Variants in ADGRA2 observed in about 807,000 individuals in gnomAD.
ADGRA2 encodes G-protein coupled receptor 124.
Under a neutral mutation model 98.7 loss-of-function variants are expected in ADGRA2, and 61 were observed. That is an observed-to-expected ratio of 0.62 (90% confidence interval 0.50 to 0.76). The LOEUF (loss-of-function observed/expected upper bound fraction) is 0.76. ADGRA2 is among the 30% of genes least tolerant of loss of function. ADGRA2 has a pLI of 0.00. For synonymous variants in ADGRA2, 858 were observed against 831.5 expected, an observed-to-expected ratio of 1.03 and a Z score of -0.55; for missense variants, 1,712 against 1,860.0, an observed-to-expected ratio of 0.92 and a Z score of 1.46.
At position 37,834,792 on chromosome 8, in the gene ADGRA2, C is replaced by T. The variant is rs550179148; in HGVS notation, c.1609-382C>T. ...CTGTGGTCCCAGCTACTCGGGAGGC[C>T]AAGGTGGGAGGATCACTTGAGGCCT... On this transcript the variant is annotated intron_variant, in intron 11 of 18. Coordinates refer to ENST00000412232, the MANE Select transcript of ADGRA2 (RefSeq NM_032777.10). The surrounding 1 kb of genome is among the most constrained non-coding windows in gnomAD (Gnocchi z 4.2). Among the ~76,000 whole-genome samples, 2 of 152,000 alleles carry T rather than the reference C, an allele frequency of 1.3e-5. No homozygotes were observed. Among genetic ancestry groups the T allele is most frequent in the African/African-American group, 4.8e-5 (2 of 41,372 alleles).
chr8:37,819,160 C>A (rs1307630089), intron 2 of ADGRA2, among the ~76,000 whole-genome samples: 1 of 152,096 alleles, frequency 6.6e-6, no homozygotes, highest in Non-Finnish European at 1.5e-5. Flanking sequence ...ATTCTATGAT[C>A]CTTGGATGTG....
At chr8:37,821,291 G>T (rs62490688) in intron 2 of ADGRA2, among the ~76,000 whole-genome samples, 30,722 of 152,178 alleles carry the variant, frequency 0.2, 3,620 homozygotes, top group Middle Eastern at 0.36. Flanking sequence ...AACAGAGGAA[G>T]AGTTCCTTAC....
At position 37,841,176 on chromosome 8, in the gene ADGRA2, C is replaced by T. The variant is rs1563354735; in HGVS notation, c.2838C>T (p.Ala946=). The change falls in exon 19 of 19, where the codon GCC becomes GCT. Residue 946 remains alanine, a synonymous_variant. Coordinates refer to ENST00000412232, the MANE Select transcript of ADGRA2 (RefSeq NM_032777.10). The surrounding 1 kb of genome is among the most constrained non-coding windows in gnomAD (Gnocchi z 5.0). Reference sequence around the variant, plus strand: ...TCACCTGGATCTATTTCCTGTGCGCCGGGCTACGCTTACGGGGTCCTCTGG... The same window carrying T: ...TCACCTGGATCTATTTCCTGTGCGCTGGGCTACGCTTACGGGGTCCTCTGG... The part of the protein sequence containing the change: ...LLITWIYFLC[A]GLRLRGPLAQ... The T allele has an allele frequency of 1.9e-6, 3 of 1,613,134 alleles. No individual in the cohort carries two copies. Among genetic ancestry groups the T allele is most frequent in the Non-Finnish European group, 2.5e-6 (3 of 1,180,012 alleles).
chr8:37,804,012 C>T (rs1442980630), intron 1 of ADGRA2, among the ~76,000 whole-genome samples: 1 of 151,882 alleles, frequency 6.6e-6, no homozygotes, highest in Admixed American at 6.6e-5. Flanking sequence ...CTTCAGGAGA[C>T]TCAGCATCCA....
At chr8:37,816,513 A>C (rs1292844896) in intron 2 of ADGRA2, among the ~76,000 whole-genome samples, 1 of 148,346 alleles carries the variant, frequency 6.7e-6, no homozygotes, top group Non-Finnish European at 1.5e-5. Flanking sequence ...AATCTCTTGA[A>C]CCTGGGAAGC....
In ADGRA2 at chr8:37,833,798, G is replaced by A. The variant is rs750175526; in HGVS notation, c.1407G>A (p.Met469Ile). 5.0e-6 allele frequency: 8 copies of A among 1,614,088 alleles called. No homozygotes were observed. The highest frequency in any genetic ancestry group is 6.8e-6 in the Non-Finnish European group (8 of 1,180,050). The change falls in exon 10 of 19, where the codon ATG becomes ATA. Residue 469 changes from methionine to isoleucine, a missense_variant. Met to Ile is a conservative substitution (Grantham distance 10). Transcript: ENST00000412232. ...DMMDVVYVAQ[M>I]IQKFLGYVDQ... ...TGGATGTAGTCTATGTGGCTCAGATGATCCAGAAATTTTTGGGTTATGTCG... is the reference window on the plus strand; with the variant it reads ...TGGATGTAGTCTATGTGGCTCAGATAATCCAGAAATTTTTGGGTTATGTCG...
rs775067436 is a variant in ADGRA2 at position 37,830,747 on chromosome 8, G to T, written c.756G>T (p.Pro252=). 6.2e-7 allele frequency: 1 copy of T among 1,605,932 alleles called. No individual in the cohort carries two copies. Among genetic ancestry groups the T allele is most frequent in the Admixed American group, 1.7e-5 (1 of 59,242 alleles). ...ALELHTHHLI[P]SLRQVVFQGD... is the part of the protein sequence containing the mutation. ...AGCTGCACACACACCACCTCATCCC[G>T]TCCCTACGCCAAGTGGTGTTCCAGG... The change falls in exon 7 of 19, where the codon CCG becomes CCT. Residue 252 remains proline (P), a synonymous_variant. Coordinates refer to ENST00000412232, the MANE Select transcript of ADGRA2 (RefSeq NM_032777.10). The surrounding 1 kb of genome is among the most constrained non-coding windows in gnomAD (Gnocchi z 4.8).
In ADGRA2 at chr8:37,837,887, C is replaced by T; in HGVS notation, c.2207C>T (p.Pro736Leu). Reference sequence around the variant, plus strand: ...GGCTGCCAGCTCCGCTCCAGCCAGCCCAATGTCAGCGCCCTGCACTGCCAG... The same window carrying T: ...GGCTGCCAGCTCCGCTCCAGCCAGCTCAATGTCAGCGCCCTGCACTGCCAG... Reference protein sequence around the residue: ...SEGCQLRSSQPNVSALHCQHL... With the variant: ...SEGCQLRSSQLNVSALHCQHL... The change falls in exon 14 of 19, where the codon CCC becomes CTC. Residue 736 changes from proline to leucine, a missense_variant. Physicochemically the swap from Pro to Leu is moderately conservative, Grantham distance 98. Transcript: ENST00000412232. 6.7e-7 allele frequency: 1 copy of T among 1,490,370 alleles called. No homozygotes were observed. Among genetic ancestry groups the T allele is most frequent in the Non-Finnish European group, 8.9e-7 (1 of 1,119,078 alleles). 92.3% of individuals were successfully genotyped at this position (1,490,370 alleles called of 1,614,324 possible). A position where few individuals can be genotyped will look rare whatever the true frequency, so the allele number is the denominator to read the frequency against.
intron 2 of ADGRA2, among the ~76,000 whole-genome samples, chr8:37,826,707 C>T (rs1379742178): frequency 6.6e-6 from 1 of 152,200 alleles, no homozygotes; most frequent in Non-Finnish European, 1.5e-5. Flanking sequence ...CCTCCCCGTC[C>T]TGAACACCCA....
chr8:37,826,036 G>A (rs890124421), intron 2 of ADGRA2, among the ~76,000 whole-genome samples: 21 of 152,086 alleles, frequency 1.4e-4, no homozygotes, highest in African/African-American at 3.6e-4. Flanking sequence ...CCTGGACGCC[G>A]CCTCGCTCCC....
Position 37,835,307 on chromosome 8 carries a change from C to G in ADGRA2, c.1742C>G (p.Pro581Arg), listed in dbSNP as rs148475803. The change falls in exon 12 of 19, where the codon CCA becomes CGA. Residue 581 changes from proline (P) to arginine (R), a missense_variant. Physicochemically the swap from Pro to Arg is moderately radical, Grantham distance 103 (BLOSUM62 -2). Coordinates refer to ENST00000412232, the MANE Select transcript of ADGRA2 (RefSeq NM_032777.10). ...TRPGSPGQNPPPEPEPPADQQ... is the reference protein window; with the variant it reads ...TRPGSPGQNPRPEPEPPADQQ... ...CCAGGAAGCCCTGGCCAGAACCCCC[C>G]ACCTGAGCCCGAGCCCCCAGCTGAC... The G allele has an allele frequency of 1.3e-4, 209 of 1,613,718 alleles. No individual in the cohort carries two copies. The highest frequency in any genetic ancestry group is 1.0e-3 in the African/African-American group (77 of 75,042).
rs1392003410 is a variant in ADGRA2, at chr8:37,840,864, C to T, written c.2747+15C>T. 2.1e-6 allele frequency: 3 copies of T among 1,426,714 alleles called. No homozygotes were observed. In the East Asian group the frequency reaches 6.9e-5, roughly 33 times the overall value. 88.4% of individuals were successfully genotyped at this position (1,426,714 alleles called of 1,614,324 possible). A position where few individuals can be genotyped will look rare whatever the true frequency, so the allele number is the denominator to read the frequency against. ...CACAGCCCCTAGTGAGCACCCCTCC[C>T]TCCCGCCCCAAGCCTACCTACCTAA... On this transcript the variant is annotated intron_variant, in intron 18 of 18. Coordinates refer to ENST00000412232, the MANE Select transcript of ADGRA2 (RefSeq NM_032777.10).
chr8:37,825,030 G>GGAA (rs1805228655), intron 2 of ADGRA2, among the ~76,000 whole-genome samples: 1 of 152,164 alleles, frequency 6.6e-6, no homozygotes, highest in Non-Finnish European at 1.5e-5. Flanking sequence ...CTGGCTTAGG[G>GGAA]GAATCCTCCT....
At position 37,835,326 on chromosome 8, in the gene ADGRA2, AGCTGACCAGCAGCTCCGCTTCC is replaced by A. The variant is rs1563351018; in HGVS notation, c.1766_1787del (p.Asp589AlafsTer96). 6.2e-7 allele frequency: 1 copy of A among 1,613,590 alleles called. No individual in the cohort carries two copies. Among genetic ancestry groups the A allele is most frequent in the Admixed American group, 1.7e-5 (1 of 60,014 alleles). On this transcript the variant is annotated frameshift_variant, in exon 12 of 19. Coordinates refer to ENST00000412232, the MANE Select transcript of ADGRA2 (RefSeq NM_032777.10). LOFTEE classifies it high-confidence loss of function. Reference sequence around the variant, plus strand: ...ACCCCCCACCTGAGCCCGAGCCCCCAGCTGACCAGCAGCTCCGCTTCCGCTGCACCACCGGGAGGCCCAATGT... The same window carrying A: ...ACCCCCCACCTGAGCCCGAGCCCCCAGCTGCACCACCGGGAGGCCCAATGT...
In ADGRA2 at chr8:37,842,137, G is replaced by A. The variant is rs1043023169; in HGVS notation, c.3799G>A (p.Gly1267Ser). 88 of 1,496,746 alleles carry A rather than the reference G, an allele frequency of 5.9e-5. No homozygotes were observed. The highest frequency in any genetic ancestry group is 7.6e-5 in the Non-Finnish European group (86 of 1,130,724). 92.7% of individuals were successfully genotyped at this position (1,496,746 alleles called of 1,614,324 possible). A position where few individuals can be genotyped will look rare whatever the true frequency, so the allele number is the denominator to read the frequency against. ...DTSAAPLSEA[G>S]RAGQRRSASR... ...CAGCGCCGCGCCGCTTTCTGAGGCG[G>A]GCCGGGCAGGCCAGCGCCGCAGCGC... Residue 1267 changes from glycine (G) to serine (S), a missense_variant, in exon 19 of 19, where the codon GGC becomes AGC. Gly to Ser is a moderately conservative substitution (Grantham distance 56, BLOSUM62 0). Transcript: ENST00000412232.
chr8:37,798,010 C>T lies in ADGRA2; in HGVS notation c.266+476C>T, dbSNP rs577811120. Among the ~76,000 whole-genome samples, 3 of 152,352 alleles carry T rather than the reference C, an allele frequency of 2.0e-5. No individual in the cohort carries two copies. The South Asian group carries it at 6.2e-4, about 32-fold the overall frequency. Reference sequence around the variant, plus strand: ...CGGATTTACCTGGCTGGCCTTGTCCCTTCAATTGGGGTCATCCCATCCTTG... The same window carrying T: ...CGGATTTACCTGGCTGGCCTTGTCCTTTCAATTGGGGTCATCCCATCCTTG... On this transcript the variant is annotated intron_variant, in intron 1 of 18. Coordinates refer to ENST00000412232, the MANE Select transcript of ADGRA2 (RefSeq NM_032777.10).
At position 37,797,166 on chromosome 8, in the gene ADGRA2, G is replaced by A. The variant is rs1804351694; in HGVS notation, c.-103G>A. 1.1e-6 allele frequency: 1 copy of A among 945,710 alleles called. No individual in the cohort carries two copies. Among genetic ancestry groups the A allele is most frequent in the African/African-American group, 1.7e-5 (1 of 57,440 alleles). The allele number at this position is 945,710 out of a possible 1,614,324, so 58.6% of individuals were successfully genotyped here. A position where few individuals can be genotyped will look rare whatever the true frequency, so the allele number is the denominator to read the frequency against. Reference sequence around the variant, plus strand: ...CCAGGGCCCCCCTCCACGCCCTCGGGAGCCCCGGGCCCCCGCTGAGCACTC... The same window carrying A: ...CCAGGGCCCCCCTCCACGCCCTCGGAAGCCCCGGGCCCCCGCTGAGCACTC... On this transcript the variant is annotated 5_prime_UTR_variant, in exon 1 of 19. Coordinates refer to ENST00000412232, the MANE Select transcript of ADGRA2 (RefSeq NM_032777.10). The surrounding 1 kb of genome is among the most constrained non-coding windows in gnomAD (Gnocchi z 5.3).
chr8:37,825,548 C>T (rs944377266), intron 2 of ADGRA2, among the ~76,000 whole-genome samples: 3 of 151,964 alleles, frequency 2.0e-5, no homozygotes, highest in Non-Finnish European at 2.9e-5. Context: ...CGCACCCGGC[C>T]GGGGCTTCTT....
At chr8:37,821,228 C>T (rs1337651722) in intron 2 of ADGRA2, among the ~76,000 whole-genome samples, 1 of 152,156 alleles carries the variant, frequency 6.6e-6, no homozygotes, top group Non-Finnish European at 1.5e-5. Context: ...CAGTGCCTCT[C>T]CCAGCCCTGG....
Sources: allele counts gnomAD v4.1 joint callset (sites outside exome capture counted in the v4.1 genomes callset), GRCh38; gene constraint gnomAD v4.1.1; non-coding constraint Gnocchi (gnomAD v3.1); transcripts MANE v1.5; gene names NCBI Gene and HGNC (gene_info 2026-07-23, HGNC 2026-07-21).